Variants in NAV3 observed in about 807,000 individuals in gnomAD.
NAV3 encodes the protein neuron navigator 3.
NAV3 carries 87 observed loss-of-function variants against 244.7 expected under a neutral mutation model. That is an observed-to-expected ratio of 0.36 (90% confidence interval 0.30 to 0.42). The LOEUF (loss-of-function observed/expected upper bound fraction) is 0.42. Among genes scored for constraint, NAV3 ranks in the 20% least tolerant of loss-of-function variants. The pLI, the probability that NAV3 is intolerant of heterozygous loss-of-function variation, is 1.00. For missense variants in NAV3, 2,663 were observed against 2,893.3 expected (o/e 0.92, Z 1.83); for synonymous variants, 1,126 against 1,042.2 (o/e 1.08, Z -1.55).
chr12:77,878,722 T>C (rs1882200196), intron 1 of NAV3, among the ~76,000 whole-genome samples: 1 of 151,832 alleles, frequency 6.6e-6, no homozygotes, highest in Admixed American at 6.6e-5. Context: ...GATCTGATTG[T>C]GAAGTCTCTG....
chr12:77,963,858 TC>T (rs1892259386), intron 3 of NAV3, among the ~76,000 whole-genome samples: 1 of 59,280 alleles, frequency 1.7e-5, no homozygotes, highest in Admixed American at 1.9e-4. Context: ...CTTCCCTCCC[TC>T]CCTCCCTCCC....
intron 13 of NAV3, among the ~76,000 whole-genome samples, chr12:78,117,259 T>G (rs1371925472): frequency 4.0e-4 from 6 of 15,120 alleles, no homozygotes; most frequent in Non-Finnish European, 4.2e-4. Context: ...GGTATAGTTA[T>G]CTATACAAAT....
intron 2 of NAV3, among the ~76,000 whole-genome samples, chr12:77,622,534 A>ATTTTTT (rs529338324): frequency 4.4e-5 from 4 of 90,716 alleles, no homozygotes; most frequent in Admixed American, 1.3e-4. Flanking sequence ...ATCCATATGG[A>ATTTTTT]TTTTTTTTTT....
At chr12:77,924,000 C>T (rs1380137890) in intron 1 of NAV3, among the ~76,000 whole-genome samples, 1 of 152,074 alleles carries the variant, frequency 6.6e-6, no homozygotes, top group Non-Finnish European at 1.5e-5. Context: ...GAGTTGTTCT[C>T]CTAAGGGTCT....
intron 2 of NAV3, among the ~76,000 whole-genome samples, chr12:77,810,158 ATGTT>A (rs1005229879): frequency 5.3e-5 from 8 of 151,992 alleles, no homozygotes; most frequent in African/African-American, 1.4e-4. Context: ...GACCCATTAT[ATGTT>A]TGTTTGTTTG....
chr12:77,773,432 A>C (rs556399539), intron 2 of NAV3, among the ~76,000 whole-genome samples: 8 of 152,350 alleles, frequency 5.3e-5, no homozygotes, highest in Admixed American at 1.3e-4. Context: ...AATCAACTGC[A>C]AATGATTTGC....
At chr12:77,762,574 G>A (rs1229296843) in intron 2 of NAV3, among the ~76,000 whole-genome samples, 2 of 151,902 alleles carry the variant, frequency 1.3e-5, no homozygotes, top group Non-Finnish European at 2.9e-5. Flanking sequence ...TTGCACTCCA[G>A]CCTGGCAACA....
intron 12 of NAV3, among the ~76,000 whole-genome samples, chr12:78,090,756 T>C (rs1953882945): frequency 6.6e-6 from 1 of 152,212 alleles, no homozygotes; most frequent in African/African-American, 2.4e-5. Context: ...TTTAAAGTGA[T>C]ACAAAGAGCT....
At chr12:78,017,975 A>C (rs1876516543) in intron 8 of NAV3, among the ~76,000 whole-genome samples, 1 of 152,194 alleles carries the variant, frequency 6.6e-6, no homozygotes, top group African/African-American at 2.4e-5. Context: ...TTGTAACATC[A>C]GTAGACATTT....
rs117983967 is a variant in NAV3, at chr12:78,059,291, G to A, written c.2636+176G>A. ...TTTTTTTGTTTGTTTGTTTGTTTTC[G>A]TTTTTTTTGTGTGTGTGAGACAGAG... On this transcript the variant is annotated intron_variant, in intron 12 of 39. Transcript: ENST00000397909. Among the ~76,000 whole-genome samples the A allele has an allele frequency of 6.5e-3, 988 of 151,070 alleles. 55 individuals carry two copies. The East Asian group carries it at 0.15, about 23-fold the overall frequency.
At chr12:77,981,154 T>C (rs114713254) in intron 5 of NAV3, among the ~76,000 whole-genome samples, 1,856 of 152,294 alleles carry the variant, frequency 0.012, 34 homozygotes, top group African/African-American at 0.043. Context: ...AGGCAATAAC[T>C]GTTTTCAGTG....
intron 2 of NAV3, among the ~76,000 whole-genome samples, chr12:77,643,086 A>G (rs1872484468): frequency 6.6e-6 from 1 of 151,956 alleles, no homozygotes; most frequent in Non-Finnish European, 1.5e-5. Flanking sequence ...TAATCTAGAC[A>G]AAATCACTCT....
At chr12:78,058,305 A>G (rs1195524676) in intron 11 of NAV3, among the ~76,000 whole-genome samples, 2 of 152,292 alleles carry the variant, frequency 1.3e-5, no homozygotes, top group East Asian at 3.9e-4. Flanking sequence ...AAGTCAAGGG[A>G]CATATTACAT....
intron 12 of NAV3, among the ~76,000 whole-genome samples, chr12:78,068,414 A>T (rs577945393): frequency 8.1e-4 from 122 of 150,908 alleles, no homozygotes; most frequent in African/African-American, 2.7e-3. Context: ...TAGTTTTTTT[A>T]AAATTCAGCT....
At chr12:78,069,077 C>T (rs936787151) in intron 12 of NAV3, among the ~76,000 whole-genome samples, 5 of 151,760 alleles carry the variant, frequency 3.3e-5, no homozygotes, top group African/African-American at 1.2e-4. Flanking sequence ...CTGCATCTTC[C>T]TCACTCCGGC....
intron 2 of NAV3, among the ~76,000 whole-genome samples, chr12:77,653,140 A>C (rs1872905026): frequency 6.6e-6 from 1 of 152,218 alleles, no homozygotes; most frequent in Non-Finnish European, 1.5e-5. Context: ...ACATAGCAAA[A>C]GCTGATTCTA....
chr12:77,806,458 C>A (rs1387213227), intron 2 of NAV3, among the ~76,000 whole-genome samples: 1 of 152,192 alleles, frequency 6.6e-6, no homozygotes, highest in Non-Finnish European at 1.5e-5. Context: ...TGTTCAGTTT[C>A]CACATATTTG....
intron 1 of NAV3, among the ~76,000 whole-genome samples, chr12:77,847,927 C>G (rs1876904171): frequency 6.6e-6 from 1 of 152,118 alleles, no homozygotes; most frequent in Admixed American, 6.5e-5. Flanking sequence ...TCTGTCTTGT[C>G]TTTTACTTTC....
At chr12:77,739,558 G>A (rs1392870481) in intron 2 of NAV3, among the ~76,000 whole-genome samples, 1 of 152,062 alleles carries the variant, frequency 6.6e-6, no homozygotes, top group African/African-American at 2.4e-5. Flanking sequence ...CAGATAACAA[G>A]AAAACAGTTT....
Sources: gnomAD v4.1 joint callset for allele counts (sites outside exome capture counted in the v4.1 genomes callset) on GRCh38, gnomAD v4.1.1 for gene constraint, MANE v1.5 for transcripts, NCBI Gene and HGNC (gene_info 2026-07-23, HGNC 2026-07-21) for gene names.